Variants in CCDC7 observed in about 807,000 individuals in gnomAD.
CCDC7 encodes the protein coiled-coil domain containing 7.
In CCDC7, 183 loss-of-function variants were observed where a neutral mutation model predicts 196.9. The ratio of observed to expected loss-of-function variants is 0.93; its 90% confidence interval spans 0.82 to 1.05. CCDC7 has a LOEUF of 1.05. Ranked by LOEUF, CCDC7 falls within the 50% of genes least tolerant of loss-of-function variation. CCDC7 has a pLI of 0.00. For missense variants in CCDC7, 1,540 were observed against 1,482.2 expected (o/e 1.04, Z -0.64); for synonymous variants, 525 against 484.6 (o/e 1.08, Z -1.10).
chr10:32,451,780 T>C (rs780608550), exon 1 of CCDC7: 1 of 1,614,172 alleles, frequency 6.2e-7, no homozygotes, highest in Non-Finnish European at 8.5e-7. Flanking sequence ...TAATTCATGA[T>C]AAAATTGAAC....
intron 11 of CCDC7, among the ~76,000 whole-genome samples, chr10:32,524,205 C>G (rs1007766292): frequency 1.3e-5 from 2 of 151,874 alleles, no homozygotes; most frequent in Non-Finnish European, 2.9e-5. Flanking sequence ...TCTTATAACC[C>G]ACAACTTTAA....
upstream of CCDC7, chr10:32,446,104 AGGCGTCGT>A (rs1234792704): frequency 6.6e-6 from 1 of 152,076 alleles, no homozygotes; most frequent in South Asian, 2.1e-4. Context: ...GGCGGCGCCA[AGGCGTCGT>A]GGCGTCGGGC....
intron 18 of CCDC7, among the ~76,000 whole-genome samples, chr10:32,623,360 G>A (rs770632706): frequency 6.6e-6 from 1 of 151,924 alleles, no homozygotes; most frequent in Non-Finnish European, 1.5e-5. Context: ...ATATGATAGG[G>A]TATATAACCT....
At chr10:32,620,029 T>A (rs2063229764) in intron 18 of CCDC7, among the ~76,000 whole-genome samples, 1 of 143,282 alleles carries the variant, frequency 7.0e-6, no homozygotes, top group African/African-American at 2.6e-5. Context: ...TTCAAGCAAT[T>A]TTCCTGCCTC....
intron 20 of CCDC7, among the ~76,000 whole-genome samples, chr10:32,660,005 C>A (rs1333735269): frequency 6.6e-6 from 1 of 152,198 alleles, no homozygotes; most frequent in Non-Finnish European, 1.5e-5. Flanking sequence ...TATCATTCTC[C>A]TATAAAGACG....
intron 32 of CCDC7, among the ~76,000 whole-genome samples, chr10:32,825,755 T>A (rs892751781): frequency 2.6e-5 from 4 of 152,068 alleles, no homozygotes; most frequent in Admixed American, 2.6e-4. Flanking sequence ...AGAGCTGAAA[T>A]TGTGGAAAAA....
At chr10:32,830,415 T>G (rs2092041879) in intron 32 of CCDC7, among the ~76,000 whole-genome samples, 1 of 151,380 alleles carries the variant, frequency 6.6e-6, no homozygotes, top group Non-Finnish European at 1.5e-5. Flanking sequence ...ATGTGTCCCA[T>G]ACATAGGAAA....
chr10:32,775,607 G>A (rs1360737882), intron 28 of CCDC7, among the ~76,000 whole-genome samples: 2 of 152,106 alleles, frequency 1.3e-5, no homozygotes, highest in Non-Finnish European at 2.9e-5. Flanking sequence ...AGATCATAGA[G>A]AGATACATTG....
At chr10:32,606,780 G>T (rs2061600673) in intron 18 of CCDC7, among the ~76,000 whole-genome samples, 1 of 152,160 alleles carries the variant, frequency 6.6e-6, no homozygotes, top group South Asian at 2.1e-4. Context: ...TGATTTTACA[G>T]GTTTATAGAT....
chr10:32,670,725 C>A (rs11596330), intron 21 of CCDC7, among the ~76,000 whole-genome samples: 12,578 of 152,052 alleles, frequency 0.083, 564 homozygotes, highest in East Asian at 0.16. Flanking sequence ...GTGAACTCAT[C>A]ATTTCAAAAT....
downstream of CCDC7, among the ~76,000 whole-genome samples, chr10:32,879,123 G>A (rs1391673332): frequency 6.6e-6 from 1 of 152,030 alleles, no homozygotes; most frequent in East Asian, 1.9e-4. Flanking sequence ...AGTTAAACGT[G>A]TGCCATCGTG....
chr10:32,816,179 A>G (rs969441848), intron 31 of CCDC7, among the ~76,000 whole-genome samples: 1 of 152,230 alleles, frequency 6.6e-6, no homozygotes, highest in Admixed American at 6.5e-5. Context: ...ATGGCACACC[A>G]GGAGATTATA....
At chr10:32,496,151 C>A (rs1295873973) in intron 9 of CCDC7, among the ~76,000 whole-genome samples, 2 of 152,004 alleles carry the variant, frequency 1.3e-5, no homozygotes, top group African/African-American at 4.8e-5. Flanking sequence ...TTCTTTGTAG[C>A]AGTTGTGAAT....
At chr10:32,686,457 G>T (rs1025707892) in intron 22 of CCDC7, among the ~76,000 whole-genome samples, 3 of 152,162 alleles carry the variant, frequency 2.0e-5, no homozygotes, top group African/African-American at 7.2e-5. Context: ...CAGAAAGTTT[G>T]CCAAGACCTG....
At chr10:32,753,928 T>G (rs1219988787) in intron 28 of CCDC7, among the ~76,000 whole-genome samples, 1 of 152,128 alleles carries the variant, frequency 6.6e-6, no homozygotes, top group Non-Finnish European at 1.5e-5. Flanking sequence ...TGATTTTTTT[T>G]AAACAATGAA....
At chr10:32,795,553 G>A (rs1176089131) in intron 29 of CCDC7, among the ~76,000 whole-genome samples, 6 of 152,064 alleles carry the variant, frequency 3.9e-5, no homozygotes, top group Non-Finnish European at 8.8e-5. Flanking sequence ...CATCTCATTA[G>A]CATCAGTCAT....
intron 9 of CCDC7, chr10:32,499,343 A>T (rs537163610): frequency 2.6e-5 from 4 of 152,124 alleles, no homozygotes; most frequent in South Asian, 4.1e-4. Context: ...ATTCTAGGAG[A>T]CATCTGATTA....
At chr10:32,609,949 T>C (rs2061922142) in intron 18 of CCDC7, among the ~76,000 whole-genome samples, 2 of 152,118 alleles carry the variant, frequency 1.3e-5, no homozygotes, top group Admixed American at 1.3e-4. Flanking sequence ...AGTGCAGATA[T>C]GCTGAACAAA....
chr10:32,754,371 C>T (rs568655161), intron 28 of CCDC7, among the ~76,000 whole-genome samples: 1 of 152,212 alleles, frequency 6.6e-6, no homozygotes, highest in East Asian at 1.9e-4. Flanking sequence ...AAACAATGAA[C>T]TTTAATGACT....
Sources: allele counts gnomAD v4.1 joint callset (sites outside exome capture counted in the v4.1 genomes callset), GRCh38; gene constraint gnomAD v4.1.1; transcripts MANE v1.5; gene names NCBI Gene and HGNC (gene_info 2026-07-23, HGNC 2026-07-21).